TOX3: variants seen among roughly 807,000 people sequenced by gnomAD.
The protein encoded by TOX3 is CAG trinucleotide repeat-containing gene F9 protein.
In TOX3, 22 loss-of-function variants were observed where a neutral mutation model predicts 64.3. That is an observed-to-expected ratio of 0.34 (90% CI 0.24 to 0.49). The LOEUF is 0.49. Ranked by LOEUF, TOX3 falls within the 20% of genes least tolerant of loss-of-function variation. The pLI, the probability that TOX3 is intolerant of heterozygous loss-of-function variation, is 0.99. For synonymous variants in TOX3, 291 were observed against 273.6 expected (o/e 1.06, Z -0.63); for missense variants, 661 against 714.4 (o/e 0.93, Z 0.85).
intron 1 of TOX3, among the ~76,000 whole-genome samples, chr16:52,542,846 G>A (rs1443725077): frequency 6.6e-6 from 1 of 152,154 alleles, no homozygotes; most frequent in Non-Finnish European, 1.5e-5. Flanking sequence ...ATTGACAAAT[G>A]ACAAATTACC....
chr16:52,543,606 T>C (rs1050523909), intron 1 of TOX3, among the ~76,000 whole-genome samples: 6 of 152,238 alleles, frequency 3.9e-5, no homozygotes, highest in Admixed American at 2.0e-4. Context: ...AAAGAAATGT[T>C]CAAACAGTCG....
intron 1 of TOX3, among the ~76,000 whole-genome samples, chr16:52,541,404 T>A (rs941381567): frequency 6.6e-6 from 1 of 152,034 alleles, no homozygotes; most frequent in Non-Finnish European, 1.5e-5. Flanking sequence ...ATTACAAAGG[T>A]CTGAATATGA....
chr16:52,535,277 G>A (rs564878205), intron 1 of TOX3, among the ~76,000 whole-genome samples: 1 of 152,134 alleles, frequency 6.6e-6, no homozygotes, highest in Admixed American at 6.5e-5. Context: ...AGTTTCACTG[G>A]GCACATGGCC....
At chr16:52,545,628 A>C (rs1963157247) in intron 1 of TOX3, among the ~76,000 whole-genome samples, 2 of 152,210 alleles carry the variant, frequency 1.3e-5, no homozygotes, top group African/African-American at 4.8e-5. Context: ...GGGAGGAGGG[A>C]GGAGCAGGAG....
Position 52,527,120 on chromosome 16 carries a change from A to G in TOX3, c.87+19517T>C, listed in dbSNP as rs118168257. On this transcript the variant is annotated intron_variant, in intron 1 of 6. Coordinates refer to ENST00000219746, the MANE Select transcript of TOX3 (RefSeq NM_001080430.4). ...CATTCCATAAATATTTGAGGAATGA[A>G]TGAATAAAAAGACTTCAGAGCTTGA... is the stretch of plus-strand genomic sequence containing the variant. Among the ~76,000 whole-genome samples the G allele has an allele frequency of 8.8e-3, 1,348 of 152,326 alleles. 55 individuals are homozygous for G. Among genetic ancestry groups the G allele is most frequent in the Admixed American group, 0.063 (960 of 15,294 alleles).
intron 4 of TOX3, among the ~76,000 whole-genome samples, chr16:52,448,123 A>T (rs1960219305): frequency 6.6e-6 from 1 of 152,226 alleles, no homozygotes; most frequent in South Asian, 2.1e-4. Flanking sequence ...AAAATTCAGA[A>T]TTAATTCTCC....
At chr16:52,512,483 G>A (rs541873739) in intron 1 of TOX3, among the ~76,000 whole-genome samples, 4 of 152,318 alleles carry the variant, frequency 2.6e-5, no homozygotes, top group African/African-American at 9.6e-5. Context: ...TGCAACAAGT[G>A]CCATATTCAT....
intron 6 of TOX3, among the ~76,000 whole-genome samples, chr16:52,441,752 T>C (rs915310954): frequency 1.3e-5 from 2 of 152,288 alleles, no homozygotes; most frequent in Non-Finnish European, 2.9e-5. Flanking sequence ...TAGAGAGTCA[T>C]CCAGTGTAGG....
chr16:52,490,141 G>A (rs1035584366), intron 1 of TOX3, among the ~76,000 whole-genome samples: 3 of 151,434 alleles, frequency 2.0e-5, no homozygotes, highest in Admixed American at 6.6e-5. Flanking sequence ...AAGATTTCCC[G>A]CTTGCTGTTC....
chr16:52,495,963 AT>A (rs1227221326), intron 1 of TOX3, among the ~76,000 whole-genome samples: 2 of 152,190 alleles, frequency 1.3e-5, no homozygotes, highest in Non-Finnish European at 2.9e-5. Context: ...CCATGGGGCA[AT>A]AAAAAGAGGT....
intron 1 of TOX3, among the ~76,000 whole-genome samples, chr16:52,515,185 T>TAAAA (rs11415785): frequency 0.017 from 2,396 of 138,584 alleles, 65 homozygotes; most frequent in African/African-American, 0.061. Flanking sequence ...CTATGAATGT[T>TAAAA]AAAAAAAAAA....
chr16:52,513,666 A>T (rs1962371042), intron 1 of TOX3, among the ~76,000 whole-genome samples: 1 of 152,226 alleles, frequency 6.6e-6, no homozygotes, highest in Non-Finnish European at 1.5e-5. Context: ...CCTCTACTGA[A>T]TAAAAGCAGA....
chr16:52,478,919 A>G (rs1231783185), intron 1 of TOX3, among the ~76,000 whole-genome samples: 2 of 152,216 alleles, frequency 1.3e-5, no homozygotes, highest in East Asian at 3.8e-4. Flanking sequence ...CAGAAGTTCA[A>G]TGATCTGGGG....
intron 1 of TOX3, among the ~76,000 whole-genome samples, chr16:52,486,231 C>G (rs1961528615): frequency 6.6e-6 from 1 of 152,020 alleles, no homozygotes; most frequent in African/African-American, 2.4e-5. Flanking sequence ...GTCTGATGAC[C>G]AAGACACGGA....
chr16:52,532,930 T>C (rs965380853), intron 1 of TOX3, among the ~76,000 whole-genome samples: 4 of 152,200 alleles, frequency 2.6e-5, no homozygotes, highest in African/African-American at 9.7e-5. Context: ...GCAGAGAATC[T>C]GCCTAGAGAA....
intron 1 of TOX3, among the ~76,000 whole-genome samples, chr16:52,516,243 A>T (rs1172461952): frequency 6.6e-6 from 1 of 152,190 alleles, no homozygotes; most frequent in Non-Finnish European, 1.5e-5. Flanking sequence ...TTTTTTATCC[A>T]TTTTCAAATT....
chr16:52,534,645 A>AG (rs1483707901), intron 1 of TOX3, among the ~76,000 whole-genome samples: 1 of 152,120 alleles, frequency 6.6e-6, no homozygotes, highest in Non-Finnish European at 1.5e-5. Flanking sequence ...CTTAAAAAAA[A>AG]CAAAAAAGAG....
Position 52,518,199 on chromosome 16 carries a change from T to C in TOX3, c.87+28438A>G, listed in dbSNP as rs139450532. Among the ~76,000 whole-genome samples, 102 of 152,334 alleles carry C rather than the reference T, an allele frequency of 6.7e-4. 1 individual carries two copies. The East Asian group carries it at 0.02, about 29-fold the overall frequency. ...AACTGAAATTGATATCTTTTCCGTA[T>C]ATACTTAACCTCCTACAGATTTATT... On this transcript the variant is annotated intron_variant, in intron 1 of 6. Coordinates refer to ENST00000219746, the MANE Select transcript of TOX3 (RefSeq NM_001080430.4).
At chr16:52,533,575 T>G (rs1283939131) in intron 1 of TOX3, among the ~76,000 whole-genome samples, 4 of 152,220 alleles carry the variant, frequency 2.6e-5, no homozygotes, top group East Asian at 1.9e-4. Flanking sequence ...AAACACTGTT[T>G]ACACCCCTTT....
Sources: gnomAD v4.1 joint callset for allele counts (sites outside exome capture counted in the v4.1 genomes callset) on GRCh38, gnomAD v4.1.1 for gene constraint, MANE v1.5 for transcripts, NCBI Gene and HGNC (gene_info 2026-07-23, HGNC 2026-07-21) for gene names.